Variants in SYT1 observed in about 807,000 individuals in gnomAD.
SYT1 encodes synaptotagmin-1.
A neutral mutation model predicts 44.8 loss-of-function variants in SYT1; 8 were observed. That is an observed-to-expected ratio of 0.18 (90% CI 0.10 to 0.32). The LOEUF (loss-of-function observed/expected upper bound fraction) is 0.32, where lower values mean the gene tolerates loss of function less well. Among genes scored for constraint, SYT1 ranks in the 10% least tolerant of loss-of-function variants. SYT1 has a pLI of 1.00. For missense variants in SYT1, 286 were observed against 509.3 expected (o/e 0.56, Z 4.22); for synonymous variants, 154 against 188.8 (o/e 0.82, Z 1.51).
At chr12:78,883,669 TG>T (rs1046070253) in intron 1 of SYT1, among the ~76,000 whole-genome samples, 1 of 151,760 alleles carries the variant, frequency 6.6e-6, no homozygotes, top group Admixed American at 6.6e-5. Context: ...ACTAATGTTT[TG>T]GATTATTTGA....
At chr12:79,157,989 C>T (rs571764954) in intron 3 of SYT1, among the ~76,000 whole-genome samples, 2 of 152,184 alleles carry the variant, frequency 1.3e-5, no homozygotes, top group East Asian at 1.9e-4. Flanking sequence ...GGAGCAGTCC[C>T]CAATTTTGGC....
chr12:78,981,979 CA>C (rs1869297543), intron 2 of SYT1, among the ~76,000 whole-genome samples: 1 of 151,594 alleles, frequency 6.6e-6, no homozygotes, highest in African/African-American at 2.4e-5. Flanking sequence ...GAAGAAGGTG[CA>C]AAAAAAGGAG....
chr12:79,256,926 A>G (rs576878263), intron 4 of SYT1, among the ~76,000 whole-genome samples: 11 of 152,312 alleles, frequency 7.2e-5, no homozygotes, highest in South Asian at 2.1e-4. Flanking sequence ...GAAATCTCAA[A>G]TCAAAGCTTC....
intron 4 of SYT1, among the ~76,000 whole-genome samples, chr12:79,275,306 C>G (rs919026964): frequency 7.9e-5 from 12 of 152,074 alleles, no homozygotes; most frequent in Non-Finnish European, 1.3e-4. Context: ...GAGAAGGGTA[C>G]TTCTTGTCTC....
intron 1 of SYT1, among the ~76,000 whole-genome samples, chr12:78,877,262 A>G (rs1374709812): frequency 6.6e-6 from 1 of 151,394 alleles, no homozygotes; most frequent in Non-Finnish European, 1.5e-5. Flanking sequence ...AGGCAAAGAG[A>G]GAGCATGTAT....
intron 2 of SYT1, among the ~76,000 whole-genome samples, chr12:79,008,145 A>G (rs940776929): frequency 3.9e-5 from 6 of 152,214 alleles, no homozygotes; most frequent in South Asian, 2.1e-4. Flanking sequence ...GCATGGTCAG[A>G]GAAAGGCTGT....
intron 9 of SYT1, among the ~76,000 whole-genome samples, chr12:79,434,006 C>T (rs190052431): frequency 6.6e-6 from 1 of 152,328 alleles, no homozygotes; most frequent in East Asian, 1.9e-4. Context: ...CAGTCACATG[C>T]TGTCCATTTG....
intron 2 of SYT1, among the ~76,000 whole-genome samples, chr12:79,027,492 T>C (rs964370707): frequency 6.6e-5 from 10 of 151,260 alleles, no homozygotes; most frequent in African/African-American, 2.4e-4. Context: ...TATATAAGTA[T>C]GCTTTTTATT....
chr12:79,138,541 G>A (rs780968329), intron 3 of SYT1, among the ~76,000 whole-genome samples: 72 of 152,164 alleles, frequency 4.7e-4, no homozygotes, highest in Non-Finnish European at 9.1e-4. Flanking sequence ...TGACCCGTCA[G>A]CTCTGCAACT....
chr12:79,260,804 T>TG (rs1877788534), intron 4 of SYT1, among the ~76,000 whole-genome samples: 1 of 91,338 alleles, frequency 1.1e-5, no homozygotes, highest in Non-Finnish European at 2.7e-5. Flanking sequence ...AGAAATCTCA[T>TG]ATTTTTTTTT....
At chr12:79,179,433 TATATCCATATAGATATAGATATA>T in intron 3 of SYT1, among the ~76,000 whole-genome samples, 1 of 84,284 alleles carries the variant, frequency 1.2e-5, no homozygotes, top group African/African-American at 5.6e-5. Context: ...TCTATATAGA[TATATCCATATAGATATAGATATA>T]ATCTATATAG....
At chr12:79,229,688 G>T (rs1297151483) in intron 4 of SYT1, among the ~76,000 whole-genome samples, 1 of 151,920 alleles carries the variant, frequency 6.6e-6, no homozygotes. Flanking sequence ...CCGCTTCCCG[G>T]GTTCAAGCGA....
chr12:79,337,552 T>G (rs1424215101), intron 8 of SYT1, among the ~76,000 whole-genome samples: 2 of 152,222 alleles, frequency 1.3e-5, no homozygotes, highest in Non-Finnish European at 2.9e-5. Flanking sequence ...TACAAAGTCC[T>G]TGCAGTCATT....
chr12:79,026,667 T>TTATATATATATATATATATATA (rs3064320), intron 2 of SYT1, among the ~76,000 whole-genome samples: 8 of 102,278 alleles, frequency 7.8e-5, no homozygotes, highest in Non-Finnish European at 1.2e-4. Context: ...CATATATATT[T>TTATATATATATATATATATATA]TATATATATA....
chr12:79,115,364 T>TA (rs1338976491), intron 3 of SYT1, among the ~76,000 whole-genome samples: 1 of 152,212 alleles, frequency 6.6e-6, no homozygotes, highest in Non-Finnish European at 1.5e-5. Flanking sequence ...TCCTATATGA[T>TA]ACATTTCTTA....
chr12:79,427,540 A>C (rs1869522448), intron 9 of SYT1, among the ~76,000 whole-genome samples: 1 of 152,248 alleles, frequency 6.6e-6, no homozygotes, highest in Non-Finnish European at 1.5e-5. Flanking sequence ...TGAGGCTTAG[A>C]GATTAGGAGG....
rs1040923179 is a variant in SYT1 at position 79,445,518 on chromosome 12, T to A, written c.1062+1312T>A. On this transcript the variant is annotated intron_variant, in intron 10 of 10. Transcript: ENST00000261205. ...CTTTTATTTCTATGATATCAACTTT[T>A]CTTTAGCTTCCACATGAGTAAGAAC... 1.1e-4 allele frequency among the ~76,000 whole-genome samples: 16 copies of A among 152,172 alleles called. 1 individual carries two copies. The highest frequency in any genetic ancestry group is 2.9e-5 in the Non-Finnish European group (2 of 67,928).
intron 1 of SYT1, among the ~76,000 whole-genome samples, chr12:78,891,236 A>G (rs1477356190): frequency 1.3e-5 from 2 of 151,910 alleles, no homozygotes; most frequent in African/African-American, 2.4e-5. Flanking sequence ...TTTATGGTGT[A>G]CAAAGCACTT....
At chr12:79,283,629 T>C (rs1000227171) in intron 4 of SYT1, among the ~76,000 whole-genome samples, 1 of 152,182 alleles carries the variant, frequency 6.6e-6, no homozygotes, top group Non-Finnish European at 1.5e-5. Flanking sequence ...ATACACTCTC[T>C]TGTTCATGCA....
Sources: allele counts gnomAD v4.1 joint callset (sites outside exome capture counted in the v4.1 genomes callset), GRCh38; gene constraint gnomAD v4.1.1; transcripts MANE v1.5; gene names NCBI Gene and HGNC (gene_info 2026-07-23, HGNC 2026-07-21).